The following FKBP5 variants were observed in gnomAD, a reference collection of about 807,000 sequenced individuals.
The protein encoded by FKBP5 is peptidyl-prolyl cis-trans isomerase FKBP5.
In FKBP5, 23 loss-of-function variants were observed where a neutral mutation model predicts 50.5. The observed-to-expected ratio is 0.46, with a 90% CI of 0.33 to 0.65. FKBP5 has a LOEUF of 0.65. Ranked by LOEUF, FKBP5 falls within the 30% of genes least tolerant of loss-of-function variation. The probability of loss-of-function intolerance (pLI) is 0.02; values close to 1 mark genes in which losing one functional copy is unlikely to be tolerated. For synonymous variants in FKBP5, 176 were observed against 190.6 expected (o/e 0.92, Z 0.63); for missense variants, 411 against 553.1 (o/e 0.74, Z 2.58).
chr6:35,579,708 A>G (rs1318974648), intron 9 of FKBP5, among the ~76,000 whole-genome samples: 1 of 152,228 alleles, frequency 6.6e-6, no homozygotes, highest in Non-Finnish European at 1.5e-5. Context: ...CTCTTATTAA[A>G]CTGAACCTGA....
intron 2 of FKBP5, among the ~76,000 whole-genome samples, chr6:35,704,466 C>T (rs1190729022): frequency 6.6e-6 from 1 of 152,120 alleles, no homozygotes; most frequent in Non-Finnish European, 1.5e-5. Flanking sequence ...CTTTATTGCT[C>T]AAAAACCAGG....
intron 2 of FKBP5, among the ~76,000 whole-genome samples, chr6:35,701,079 A>T (rs1766173525): frequency 6.6e-6 from 1 of 152,210 alleles, no homozygotes; most frequent in East Asian, 1.9e-4. Flanking sequence ...ATATTGCAGG[A>T]ACATAATTTG....
At chr6:35,621,302 T>C (rs1479785227) in intron 3 of FKBP5, among the ~76,000 whole-genome samples, 2 of 152,112 alleles carry the variant, frequency 1.3e-5, no homozygotes, top group East Asian at 1.9e-4. Context: ...TCGGAAACAA[T>C]AGAAAATTTA....
intron 5 of FKBP5, among the ~76,000 whole-genome samples, chr6:35,618,521 G>A (rs1279827319): frequency 6.6e-6 from 1 of 151,604 alleles, no homozygotes; most frequent in African/African-American, 2.4e-5. Context: ...ACAGGGACGT[G>A]ACACCACACT....
At chr6:35,645,313 C>T (rs749328597) in intron 1 of FKBP5, among the ~76,000 whole-genome samples, 13 of 152,194 alleles carry the variant, frequency 8.5e-5, no homozygotes, top group Non-Finnish European at 1.3e-4. Flanking sequence ...CCTGTAGTCC[C>T]AACTACTCAG....
intron 7 of FKBP5, among the ~76,000 whole-genome samples, chr6:35,588,019 T>C (rs1170506743): frequency 6.6e-6 from 1 of 151,406 alleles, no homozygotes; most frequent in Admixed American, 6.6e-5. Flanking sequence ...CTTTTATTAT[T>C]ATTATTATTA....
chr6:35,670,503 G>A (rs1000032321), intron 1 of FKBP5, among the ~76,000 whole-genome samples: 1 of 152,064 alleles, frequency 6.6e-6, no homozygotes, highest in African/African-American at 2.4e-5. Context: ...GGAGGCTGAG[G>A]CGGGTGGATC....
intron 5 of FKBP5, among the ~76,000 whole-genome samples, chr6:35,603,655 A>G (rs1344851551): frequency 6.7e-6 from 1 of 149,276 alleles, no homozygotes; most frequent in African/African-American, 2.5e-5. Flanking sequence ...TTTTTTTTGT[A>G]ACAACAACAA....
At chr6:35,649,472 G>C (rs190552936) in intron 1 of FKBP5, among the ~76,000 whole-genome samples, 75 of 151,170 alleles carry the variant, frequency 5.0e-4, no homozygotes, top group African/African-American at 1.8e-3. Flanking sequence ...TCGACCTTCT[G>C]GGAGGTGGCA....
intron 8 of FKBP5, chr6:35,585,702 C>T: frequency 1.1e-6 from 1 of 948,676 alleles, no homozygotes; most frequent in Non-Finnish European, 1.3e-6. Flanking sequence ...TGAATACCAC[C>T]CACAGTAAGA....
At position 35,574,463 on chromosome 6, in the gene FKBP5, G is replaced by C. The variant is rs1028783818; in HGVS notation, c.*1372C>G. On this transcript the variant is annotated 3_prime_UTR_variant, in exon 11 of 11. Transcript: ENST00000357266. The stretch of plus-strand genomic sequence containing the variant: ...AGAGCCATGCTCAATCTGTTTACCC[G>C]TAAGGACTGAAATTCAACTACATGT... 4 of 152,192 alleles carry C rather than the reference G, an allele frequency of 2.6e-5. No individual in the cohort carries two copies. The highest frequency in any genetic ancestry group is 9.7e-5 in the African/African-American group (4 of 41,448). The allele number at this position is 152,192 out of a possible 1,614,324, so 9.4% of individuals were successfully genotyped here.
intron 8 of FKBP5, 195 bp from the exon 9 acceptor site, chr6:35,580,416 G>C: frequency 1.8e-6 from 1 of 552,192 alleles, no homozygotes; most frequent in Non-Finnish European, 3.2e-6. Context: ...GTTTGGGGCA[G>C]TGCCTGAGCA....
chr6:35,721,965 G>C (rs1581906988), intron 1 of FKBP5, among the ~76,000 whole-genome samples: 1 of 152,142 alleles, frequency 6.6e-6, no homozygotes, highest in Non-Finnish European at 1.5e-5. Flanking sequence ...CTTTGCATGT[G>C]CTGTGCTGTT....
chr6:35,723,401 T>G (rs545019695), intron 1 of FKBP5, among the ~76,000 whole-genome samples: 1 of 152,040 alleles, frequency 6.6e-6, no homozygotes, highest in East Asian at 1.9e-4. Flanking sequence ...AATCTGACAC[T>G]GGCAGAAGCT....
Position 35,653,103 on chromosome 6 carries a change from G to A in FKBP5, c.-19-10260C>T, listed in dbSNP as rs546311128. Among the ~76,000 whole-genome samples the A allele has an allele frequency of 2.6e-5, 4 of 152,322 alleles. No individual in the cohort carries two copies. In the South Asian group the frequency reaches 6.2e-4, roughly 24 times the overall value. On this transcript the variant is annotated intron_variant, in intron 1 of 10. Coordinates refer to ENST00000357266, the MANE Select transcript of FKBP5 (RefSeq NM_004117.4). The stretch of plus-strand genomic sequence containing the variant: ...AGGCCAGGCACAGTGGCTCAAGCCT[G>A]CAATCCCCACACCGAGGCGGGAGTA...
At chr6:35,663,924 T>C (rs1439648951) in intron 1 of FKBP5, among the ~76,000 whole-genome samples, 4 of 152,234 alleles carry the variant, frequency 2.6e-5, no homozygotes, top group Non-Finnish European at 5.9e-5. Flanking sequence ...TTGAGATTGT[T>C]ACTACTGACA....
At chr6:35,703,162 A>G (rs1289605060) in intron 2 of FKBP5, among the ~76,000 whole-genome samples, 3 of 152,056 alleles carry the variant, frequency 2.0e-5, no homozygotes, top group Non-Finnish European at 4.4e-5. Flanking sequence ...AGGCAGGAGA[A>G]TTGCTTGAGA....
At chr6:35,630,113 A>T (rs74636231) in intron 3 of FKBP5, among the ~76,000 whole-genome samples, 5,345 of 151,708 alleles carry the variant, frequency 0.035, 125 homozygotes, top group African/African-American at 0.069. Context: ...TCCAGCCCCA[A>T]TAACAGAGCA....
At chr6:35,656,905 AAAAAGAAAAAAG>A (rs1302671269) in intron 1 of FKBP5, among the ~76,000 whole-genome samples, 39 of 149,118 alleles carry the variant, frequency 2.6e-4, no homozygotes, top group African/African-American at 9.4e-4. Flanking sequence ...CAAAAAAAAA[AAAAAGAAAAAAG>A]AAAAAGAAAA....
Sources: gnomAD v4.1 joint callset for allele counts (sites outside exome capture counted in the v4.1 genomes callset) on GRCh38, gnomAD v4.1.1 for gene constraint, MANE v1.5 for transcripts, NCBI Gene and HGNC (gene_info 2026-07-23, HGNC 2026-07-21) for gene names.